CDH13: variants seen among roughly 807,000 people sequenced by gnomAD.
CDH13 encodes cadherin-13.
Under a neutral mutation model 63.8 loss-of-function variants are expected in CDH13, and 24 were observed. That is an observed-to-expected ratio of 0.38 (90% CI 0.27 to 0.53). CDH13 has a LOEUF of 0.53. CDH13 is among the 20% of genes least tolerant of loss of function. CDH13 has a pLI of 0.85. For synonymous variants in CDH13, 503 were observed against 355.3 expected, an observed-to-expected ratio of 1.42 and a Z score of -4.67; for missense variants, 1,049 against 903.1, an observed-to-expected ratio of 1.16 and a Z score of -2.07.
intron 1 of CDH13, among the ~76,000 whole-genome samples, chr16:82,793,489 C>T (rs570609520): frequency 4.6e-5 from 7 of 152,208 alleles, no homozygotes; most frequent in Non-Finnish European, 1.0e-4. Flanking sequence ...TTTCATTATC[C>T]GATTGAGTTC....
At chr16:82,975,913 T>C (rs544588495) in intron 2 of CDH13, among the ~76,000 whole-genome samples, 82 of 152,212 alleles carry the variant, frequency 5.4e-4, no homozygotes, top group African/African-American at 1.9e-3. Flanking sequence ...TTTACTGACA[T>C]CTCTCCTCCA....
chr16:83,002,230 G>C (rs950099378), intron 2 of CDH13, among the ~76,000 whole-genome samples: 1 of 152,210 alleles, frequency 6.6e-6, no homozygotes, highest in Non-Finnish European at 1.5e-5. Context: ...ATCTGGGTGA[G>C]CCCTAAATCC....
intron 3 of CDH13, among the ~76,000 whole-genome samples, chr16:83,043,399 ACGT>A (rs1917492985): frequency 1.3e-5 from 2 of 152,254 alleles, no homozygotes; most frequent in South Asian, 4.1e-4. Flanking sequence ...AATGAAAGCC[ACGT>A]ATGTCATTTA....
At chr16:83,308,579 A>T (rs1333799139) in intron 5 of CDH13, among the ~76,000 whole-genome samples, 5 of 152,252 alleles carry the variant, frequency 3.3e-5, no homozygotes, top group Non-Finnish European at 7.3e-5. Context: ...TATTATTTTT[A>T]AAAGGCTTTA....
chr16:83,211,523 AAC>A (rs2039336722), intron 4 of CDH13, among the ~76,000 whole-genome samples: 4 of 152,218 alleles, frequency 2.6e-5, no homozygotes, highest in Admixed American at 2.0e-4. Flanking sequence ...ATACATTAAA[AAC>A]ACACACCACA....
At chr16:83,025,891 G>C (rs1042294690) in intron 2 of CDH13, among the ~76,000 whole-genome samples, 1 of 152,152 alleles carries the variant, frequency 6.6e-6, no homozygotes. Flanking sequence ...GAGCTTTTAA[G>C]AGATACTAGT....
intron 6 of CDH13, among the ~76,000 whole-genome samples, chr16:83,421,235 A>G (rs1173417820): frequency 6.6e-6 from 1 of 152,212 alleles, no homozygotes; most frequent in East Asian, 1.9e-4. Flanking sequence ...AGTGAGGTGA[A>G]GAGAAGAATA....
chr16:83,598,261 A>T (rs374766078), intron 7 of CDH13, among the ~76,000 whole-genome samples: 1 of 152,210 alleles, frequency 6.6e-6, no homozygotes, highest in East Asian at 1.9e-4. Context: ...GCTACTCAGG[A>T]GGCTGGAGTG....
At chr16:83,492,710 A>G (rs2074042990) in intron 7 of CDH13, among the ~76,000 whole-genome samples, 1 of 152,234 alleles carries the variant, frequency 6.6e-6, no homozygotes, top group African/African-American at 2.4e-5. Flanking sequence ...ATTTAGTTCC[A>G]TGAGTGCAGG....
chr16:83,186,635 G>A (rs965892471), intron 4 of CDH13, among the ~76,000 whole-genome samples: 2 of 152,186 alleles, frequency 1.3e-5, no homozygotes, highest in African/African-American at 2.4e-5. Flanking sequence ...CAAGACTGTA[G>A]TATGTCGTCA....
At chr16:82,800,950 C>T (rs1360111065) in intron 1 of CDH13, among the ~76,000 whole-genome samples, 1 of 152,064 alleles carries the variant, frequency 6.6e-6, no homozygotes, top group Non-Finnish European at 1.5e-5. Context: ...TTTCATCTCA[C>T]TAAACAAGGA....
chr16:83,154,199 G>C (rs1251244264), intron 4 of CDH13, among the ~76,000 whole-genome samples: 3 of 152,062 alleles, frequency 2.0e-5, no homozygotes, highest in East Asian at 1.9e-4. Flanking sequence ...CTAAGGGAGA[G>C]CTGCTTCTTT....
chr16:83,036,922 A>G (rs958300165), intron 3 of CDH13, among the ~76,000 whole-genome samples: 1 of 152,204 alleles, frequency 6.6e-6, no homozygotes, highest in Non-Finnish European at 1.5e-5. Flanking sequence ...AAGCTGGAAC[A>G]GAAAGGGAAT....
intron 5 of CDH13, among the ~76,000 whole-genome samples, chr16:83,298,169 A>G (rs1434898060): frequency 6.6e-6 from 1 of 151,992 alleles, no homozygotes; most frequent in African/African-American, 2.4e-5. Context: ...CTTGAGCCCA[A>G]GAGGTCGAGG....
At chr16:83,189,619 T>C (rs1182863755) in intron 4 of CDH13, among the ~76,000 whole-genome samples, 3 of 152,166 alleles carry the variant, frequency 2.0e-5, no homozygotes, top group East Asian at 3.9e-4. Context: ...CCTCACACAG[T>C]TGCACTTTGT....
intron 6 of CDH13, among the ~76,000 whole-genome samples, chr16:83,377,222 GA>G (rs760806844): frequency 1.9e-4 from 29 of 152,056 alleles, no homozygotes; most frequent in Non-Finnish European, 3.7e-4. Flanking sequence ...AATAAGAACT[GA>G]ATTAAACATA....
At chr16:83,259,152 G>A (rs1404516698) in intron 5 of CDH13, among the ~76,000 whole-genome samples, 1 of 152,124 alleles carries the variant, frequency 6.6e-6, no homozygotes, top group African/African-American at 2.4e-5. Flanking sequence ...GGCTGAGGGG[G>A]ACAGTCACTA....
At chr16:83,049,678 T>C (rs111989154) in intron 3 of CDH13, among the ~76,000 whole-genome samples, 151 of 152,290 alleles carry the variant, frequency 9.9e-4, no homozygotes, top group African/African-American at 3.3e-3. Context: ...ATAGCATGTA[T>C]CACTACTTCA....
Position 82,687,983 on chromosome 16 carries a change from A to G in CDH13, c.45+60846A>G, listed in dbSNP as rs191326054. The stretch of plus-strand genomic sequence containing the variant: ...ACAACTTTTACTGTCCATTGCCACA[A>G]TGAAACATGGCAGTGACAGATGTAG... On this transcript the variant is annotated intron_variant, in intron 1 of 13. Transcript: ENST00000567109. Among the ~76,000 whole-genome samples, 10 of 152,302 alleles carry G rather than the reference A, an allele frequency of 6.6e-5. No homozygotes were observed. The East Asian group carries it at 9.7e-4, about 15-fold the overall frequency.
Sources: allele counts gnomAD v4.1 joint callset (sites outside exome capture counted in the v4.1 genomes callset), GRCh38; gene constraint gnomAD v4.1.1; transcripts MANE v1.5; gene names NCBI Gene and HGNC (gene_info 2026-07-23, HGNC 2026-07-21).